HACD1: variants seen among roughly 807,000 people sequenced by gnomAD.
The protein encoded by HACD1 is 3-hydroxyacyl-CoA dehydratase 1.
HACD1 carries 41 observed loss-of-function variants against 32.0 expected under a neutral mutation model. The observed-to-expected ratio is 1.28, with a 90% CI of 1.00 to 1.66. The LOEUF (loss-of-function observed/expected upper bound fraction) is 1.66, where lower values mean the gene tolerates loss of function less well. HACD1 is among the 40% of genes most tolerant of loss of function. HACD1 has a pLI of 0.00. For missense variants in HACD1, 396 were observed against 380.1 expected, an observed-to-expected ratio of 1.04 and a Z score of -0.35; for synonymous variants, 142 against 139.0, an observed-to-expected ratio of 1.02 and a Z score of -0.15.
At chr10:17,593,318 C>T (rs1319067259) in intron 6 of HACD1, among the ~76,000 whole-genome samples, 2 of 104,070 alleles carry the variant, frequency 1.9e-5, no homozygotes, top group South Asian at 2.6e-4. Flanking sequence ...TTAGCCCCCA[C>T]GCCTTTTTTT....
intron 1 of HACD1, among the ~76,000 whole-genome samples, chr10:17,612,144 T>C (rs1478035334): frequency 2.3e-4 from 34 of 149,898 alleles, no homozygotes; most frequent in African/African-American, 7.8e-4. Context: ...TAAAAAATCC[T>C]TACATCCTTT....
intron 1 of HACD1, among the ~76,000 whole-genome samples, chr10:17,612,753 T>A (rs1833003620): frequency 6.6e-6 from 1 of 151,830 alleles, no homozygotes; most frequent in Non-Finnish European, 1.5e-5. Flanking sequence ...ATCCCGTATC[T>A]ACTAAAAATC....
chr10:17,602,748 A>C (rs1834089670), intron 4 of HACD1, among the ~76,000 whole-genome samples: 1 of 152,134 alleles, frequency 6.6e-6, no homozygotes, highest in Non-Finnish European at 1.5e-5. Flanking sequence ...TGCATAATAG[A>C]TCTCTTGAAC....
At position 17,590,253 on chromosome 10, in the gene HACD1, A is replaced by G; in HGVS notation, c.*111T>C. 1 of 728,950 alleles carries G rather than the reference A, an allele frequency of 1.4e-6. No individual in the cohort carries two copies. Among genetic ancestry groups the G allele is most frequent in the Admixed American group, 2.8e-5 (1 of 35,132 alleles). The allele number at this position is 728,950 out of a possible 1,614,324, so 45.2% of individuals were successfully genotyped here. The stretch of plus-strand genomic sequence containing the variant: ...ACCACGTGTCTCAAGTTATATTTTA[A>G]GAAACCATACAATCCATGATATTTC... On this transcript the variant is annotated 3_prime_UTR_variant, in exon 7 of 7. Coordinates refer to ENST00000361271, the MANE Select transcript of HACD1 (RefSeq NM_014241.4).
Position 17,603,919 on chromosome 10 carries a change from G to A in HACD1, c.375+11C>T, listed in dbSNP as rs1834106698. 1.3e-6 allele frequency: 2 copies of A among 1,573,540 alleles called. No homozygotes were observed. The highest frequency in any genetic ancestry group is 1.7e-6 in the Non-Finnish European group (2 of 1,147,606). On this transcript the variant is annotated intron_variant, in intron 2 of 6. Transcript: ENST00000361271. ...TACAGCAATAGAAAAACAGCATGATGGAAAACTTACCTCAAGCAAGGCAAA... is the reference window on the plus strand; with the variant it reads ...TACAGCAATAGAAAAACAGCATGATAGAAAACTTACCTCAAGCAAGGCAAA...
intron 6 of HACD1, among the ~76,000 whole-genome samples, chr10:17,591,460 C>A (rs1554815571): frequency 6.6e-6 from 1 of 152,078 alleles, no homozygotes; most frequent in East Asian, 1.9e-4. Flanking sequence ...CTTAACAGAG[C>A]CTAAAGCAGA....
chr10:17,616,859 A>G (rs1465627563), intron 1 of HACD1, among the ~76,000 whole-genome samples: 1 of 151,864 alleles, frequency 6.6e-6, no homozygotes, highest in African/African-American at 2.4e-5. Context: ...ACCTCCGGCC[A>G]GCGCCCCGCC....
At chr10:17,608,074 C>T (rs1000961672) in intron 1 of HACD1, among the ~76,000 whole-genome samples, 1 of 152,042 alleles carries the variant, frequency 6.6e-6, no homozygotes. Context: ...GAGTGGTGTG[C>T]CCATGGCTCA....
At position 17,596,765 on chromosome 10, in the gene HACD1, G is replaced by T. The variant is rs1219195349; in HGVS notation, c.606-2382C>A. Among the ~76,000 whole-genome samples, 5 of 151,814 alleles carry T rather than the reference G, an allele frequency of 3.3e-5. No homozygotes were observed. In the East Asian group the frequency reaches 9.7e-4, roughly 29 times the overall value. On this transcript the variant is annotated intron_variant, in intron 5 of 6. Transcript: ENST00000361271. ...ACTATCTAAAATTTTTTTGAAGGGA[G>T]TGCATTTTAAATCAATATGAAAAAC...
rs782603964 is a variant in HACD1 at position 17,617,322 on chromosome 10, T to A, written c.18A>T (p.Glu6Asp). Residue 6 changes from glutamate to aspartate, a missense_variant, in exon 1 of 7, where the codon GAA (glutamate) becomes GAT (aspartate). Physicochemically the swap from Glu to Asp is conservative, Grantham distance 45 (BLOSUM62 2). Transcript: ENST00000361271. MGRLT[E>D]AAAAGSGSRA... ...GAGAGCCGCTGCCCGCTGCCGCCGC[T>A]TCCGTCAGGCGCCCCATGTGCAGCG... The A allele has an allele frequency of 7.7e-6, 11 of 1,435,910 alleles. No individual in the cohort carries two copies. The South Asian group carries it at 1.5e-4, about 20-fold the overall frequency. The allele number at this position is 1,435,910 out of a possible 1,614,324, so 88.9% of individuals were successfully genotyped here.
chr10:17,599,110 C>T, intron 5 of HACD1, 180 bp downstream of exon 5: 1 of 1,122,054 alleles, frequency 8.9e-7, no homozygotes, highest in Admixed American at 3.7e-5. Flanking sequence ...ATTCCTCTCT[C>T]ATCATTAAGC....
chr10:17,591,975 G>GTTTTTT (rs1564503517), intron 6 of HACD1, among the ~76,000 whole-genome samples: 1 of 103,794 alleles, frequency 9.6e-6, no homozygotes, highest in African/African-American at 4.9e-5. Flanking sequence ...ACCAGCTACT[G>GTTTTTT]ATTTTTTTTT....
chr10:17,613,714 G>C (rs1028804910), intron 1 of HACD1, among the ~76,000 whole-genome samples: 3 of 152,168 alleles, frequency 2.0e-5, no homozygotes, highest in Non-Finnish European at 4.4e-5. Context: ...CTGATTTGCC[G>C]GGGAAGGGTC....
At chr10:17,614,296 T>C (rs1416879709) in intron 1 of HACD1, among the ~76,000 whole-genome samples, 1 of 152,186 alleles carries the variant, frequency 6.6e-6, no homozygotes, top group Non-Finnish European at 1.5e-5. Flanking sequence ...TTTTATTTTT[T>C]TGTGTGAGAC....
At position 17,605,708 on chromosome 10, in the gene HACD1, C is replaced by A. The variant is rs2131514765; in HGVS notation, c.258-1661G>T. Among the ~76,000 whole-genome samples the A allele has an allele frequency of 1.3e-5, 2 of 151,324 alleles. 1 individual carries two copies. The highest frequency in any genetic ancestry group is 4.2e-4 in the South Asian group (2 of 4,790). Reference sequence around the variant, plus strand: ...GTGGCTCACCCCTGTAATCCCAACACCTTGGAAGGTTGAGGTGGGTGGATC... The same window carrying A: ...GTGGCTCACCCCTGTAATCCCAACAACTTGGAAGGTTGAGGTGGGTGGATC... On this transcript the variant is annotated intron_variant, in intron 1 of 6. Coordinates refer to ENST00000361271, the MANE Select transcript of HACD1 (RefSeq NM_014241.4).
intron 1 of HACD1, among the ~76,000 whole-genome samples, chr10:17,611,710 T>C (rs1215282922): frequency 1.3e-5 from 2 of 152,132 alleles, no homozygotes; most frequent in African/African-American, 2.4e-5. Flanking sequence ...CTCACGCCTA[T>C]AATCCCAGCA....
chr10:17,615,826 G>A (rs1554817966), intron 1 of HACD1: 6 of 431,900 alleles, frequency 1.4e-5, no homozygotes, highest in Admixed American at 2.5e-5. Context: ...AATTAATGGG[G>A]CGTGGTGGCC....
intron 5 of HACD1, chr10:17,598,949 C>CA (rs148418097): frequency 0.22 from 36,167 of 163,192 alleles, 3,975 homozygotes; most frequent in African/African-American, 0.29. Context: ...ACATCACAGA[C>CA]AAAAAAAAAA....
chr10:17,594,162 C>T (rs1588983467), intron 6 of HACD1, 43 bp downstream of exon 6: 1 of 1,297,500 alleles, frequency 7.7e-7, no homozygotes, highest in East Asian at 2.7e-5. Flanking sequence ...CAAAAATTTC[C>T]ACATCATATG....
Sources: gnomAD v4.1 joint callset for allele counts (sites outside exome capture counted in the v4.1 genomes callset) on GRCh38, gnomAD v4.1.1 for gene constraint, MANE v1.5 for transcripts, NCBI Gene and HGNC (gene_info 2026-07-23, HGNC 2026-07-21) for gene names.